The following ZNF385C variants were observed in gnomAD, a reference collection of about 807,000 sequenced individuals.
The protein encoded by ZNF385C is zinc finger protein 385C.
Under a neutral mutation model 35.4 loss-of-function variants are expected in ZNF385C, and 28 were observed. The ratio of observed to expected loss-of-function variants is 0.79; its 90% CI spans 0.59 to 1.08. ZNF385C has a LOEUF of 1.08. Among genes scored for constraint, ZNF385C ranks in the 50% least tolerant of loss-of-function variants. The pLI is 0.00. For synonymous variants in ZNF385C, 248 were observed against 248.2 expected, an observed-to-expected ratio of 1.00 and a Z score of 0.01; for missense variants, 605 against 595.6, an observed-to-expected ratio of 1.02 and a Z score of -0.16.
chr17:42,031,694 G>C lies in ZNF385C; in HGVS notation c.601C>G (p.Gln201Glu). 6.4e-7 allele frequency: 1 copy of C among 1,550,720 alleles called. No individual in the cohort carries two copies. The highest frequency in any genetic ancestry group is 8.7e-7 in the Non-Finnish European group (1 of 1,147,034). The change falls in exon 5 of 9, where the codon CAG becomes GAG. Residue 201 changes from glutamine to glutamate, a missense_variant. Physicochemically the swap from Gln to Glu is conservative, Grantham distance 29. Coordinates refer to ENST00000692273, the MANE Select transcript of ZNF385C (RefSeq NM_001392013.1). ...GACACTACAGCCCCATCCTGGGCCT[G>C]GGTGTGTGGCCTCTGCTTGCTCTTG... ...AAKSKQRPHT[Q>E]AQDGAVVSPI...
intron 1 of ZNF385C, among the ~76,000 whole-genome samples, chr17:42,066,851 G>A (rs567623166): frequency 1.1e-4 from 16 of 152,022 alleles, no homozygotes; most frequent in Non-Finnish European, 1.9e-4. Flanking sequence ...GGTGGATCAC[G>A]AGATCAGGAG....
chr17:42,073,462 T>G (rs1478261522), intron 1 of ZNF385C, among the ~76,000 whole-genome samples: 2 of 150,844 alleles, frequency 1.3e-5, no homozygotes, highest in African/African-American at 4.9e-5. Flanking sequence ...GGACCTTAAG[T>G]AACTGGTCCA....
At chr17:42,073,213 G>T (rs903813381) in intron 1 of ZNF385C, among the ~76,000 whole-genome samples, 2 of 152,112 alleles carry the variant, frequency 1.3e-5, no homozygotes, top group South Asian at 4.1e-4. Context: ...GAGGCAGGCG[G>T]ATCACTTGAG....
chr17:42,039,374 C>CT, intron 2 of ZNF385C: 1 of 265,450 alleles, frequency 3.8e-6, no homozygotes, highest in Non-Finnish European at 7.0e-6. Context: ...AAACTCCCAT[C>CT]TTTGGGGGGA....
At position 42,026,483 on chromosome 17, in the gene ZNF385C, C is replaced by T. The variant is rs1348909821; in HGVS notation, c.*414G>A. 4.4e-6 allele frequency: 1 copy of T among 228,434 alleles called. No individual in the cohort carries two copies. Among genetic ancestry groups the T allele is most frequent in the Admixed American group, 5.2e-5 (1 of 19,180 alleles). 14.2% of individuals were successfully genotyped at this position (228,434 alleles called of 1,614,324 possible). A position where few individuals can be genotyped will look rare whatever the true frequency, so the allele number is the denominator to read the frequency against. On this transcript the variant is annotated 3_prime_UTR_variant, in exon 9 of 9. Transcript: ENST00000692273. ...AGCCTGCTGCAGCTAGAGACCCCAT[C>T]CCTATCTCCAGTGAAGCCCCAAAGC...
intron 1 of ZNF385C, among the ~76,000 whole-genome samples, chr17:42,083,758 G>A (rs1348064731): frequency 1.3e-4 from 13 of 103,122 alleles, no homozygotes; most frequent in Admixed American, 6.2e-4. Context: ...TCACTCTGTC[G>A]CCCAGGCTGG....
chr17:42,040,196 C>T, intron 2 of ZNF385C: 1 of 1,231,578 alleles, frequency 8.1e-7, no homozygotes, highest in Middle Eastern at 3.1e-4. Flanking sequence ...GCGGCCACGG[C>T]GTCCAGCGAA....
intron 1 of ZNF385C, among the ~76,000 whole-genome samples, chr17:42,065,974 G>A (rs1399290621): frequency 1.3e-5 from 2 of 152,030 alleles, no homozygotes; most frequent in Non-Finnish European, 2.9e-5. Context: ...TACACACATT[G>A]TGGGGATTAG....
chr17:42,060,703 C>T (rs2053447024), intron 2 of ZNF385C, among the ~76,000 whole-genome samples: 1 of 152,094 alleles, frequency 6.6e-6, no homozygotes, highest in Non-Finnish European at 1.5e-5. Context: ...CCTCTCCCTC[C>T]TCTGACTTCT....
intron 3 of ZNF385C, 136 bp downstream of exon 3, chr17:42,037,601 C>T: frequency 1.8e-6 from 2 of 1,097,880 alleles, no homozygotes; most frequent in Non-Finnish European, 1.3e-6. Context: ...TTGGGGAGCA[C>T]CTATCCCCTC....
intron 2 of ZNF385C, chr17:42,038,225 G>A: frequency 1.6e-6 from 1 of 608,128 alleles, no homozygotes; most frequent in South Asian, 2.2e-5. Context: ...CCACCATGGA[G>A]ACTGCATGAT....
chr17:42,088,870 G>A (rs1284864295), intron 1 of ZNF385C, among the ~76,000 whole-genome samples: 2 of 152,058 alleles, frequency 1.3e-5, no homozygotes, highest in African/African-American at 4.8e-5. Flanking sequence ...CCGTCACCCA[G>A]GCTGGAGTGC....
At chr17:42,065,702 A>C (rs555557629) in intron 1 of ZNF385C, among the ~76,000 whole-genome samples, 4 of 152,182 alleles carry the variant, frequency 2.6e-5, no homozygotes, top group Admixed American at 6.5e-5. Context: ...TGTATGTTTA[A>C]AATTTCAATA....
intron 1 of ZNF385C, among the ~76,000 whole-genome samples, chr17:42,075,188 C>T (rs1197042345): frequency 4.6e-5 from 7 of 152,164 alleles, no homozygotes; most frequent in Admixed American, 4.6e-4. Context: ...GACATGGTCA[C>T]CTCCTCCAGG....
In ZNF385C at chr17:42,028,785, G is replaced by C. The variant is rs781981860; in HGVS notation, c.965C>G (p.Thr322Arg). The C allele has an allele frequency of 6.5e-7, 1 of 1,549,494 alleles. No homozygotes were observed. The highest frequency in any genetic ancestry group is 2.0e-5 in the Admixed American group (1 of 50,968). Residue 322 changes from threonine (T) to arginine (R), a missense_variant and splice_region_variant, in exon 6 of 9, where the codon ACA (threonine) becomes AGA (arginine). Transcript: ENST00000692273. The stretch of plus-strand genomic sequence containing the variant: ...CTCCAGCTCCTGGGACTACTGACCT[G>C]TGTTGTGAGCCTGAAGCTGGGAGGC... ...NSASQLQAHN[T>R]GAKHRWMMEG...
intron 2 of ZNF385C, among the ~76,000 whole-genome samples, chr17:42,044,630 A>G (rs1207101087): frequency 6.6e-6 from 1 of 151,834 alleles, no homozygotes. Flanking sequence ...AAAAAAAAAA[A>G]GAAAGAAAAG....
chr17:42,027,440 C>T (rs2052612301), intron 8 of ZNF385C, among the ~76,000 whole-genome samples, 178 bp downstream of exon 8: 1 of 152,030 alleles, frequency 6.6e-6, no homozygotes, highest in African/African-American at 2.4e-5. Flanking sequence ...CCCAACCCAC[C>T]TCCCCGGAAA....
intron 8 of ZNF385C, 46 bp downstream of exon 8, chr17:42,027,572 C>CAA: frequency 9.5e-7 from 1 of 1,048,364 alleles, no homozygotes; most frequent in Non-Finnish European, 1.4e-6. Context: ...AGCCCACCCT[C>CAA]TCCCCTCCTG....
chr17:42,031,598 AGAG>A lies in ZNF385C; in HGVS notation c.676+18_676+20del, dbSNP rs1438913023. The A allele has an allele frequency of 1.8e-5, 27 of 1,527,354 alleles. No individual in the cohort carries two copies. In the African/African-American group the frequency reaches 3.2e-4, roughly 18 times the overall value. 94.6% of individuals were successfully genotyped at this position (1,527,354 alleles called of 1,614,324 possible). On this transcript the variant is annotated intron_variant, in intron 5 of 8. Coordinates refer to ENST00000692273, the MANE Select transcript of ZNF385C (RefSeq NM_001392013.1). ...CAGATTTGGAGTGGAGACGTGGGAA[AGAG>A]AAGAGCTCAGGACTGACCTTTACTC...
Sources: allele counts gnomAD v4.1 joint callset (sites outside exome capture counted in the v4.1 genomes callset), GRCh38; gene constraint gnomAD v4.1.1; transcripts MANE v1.5; gene names NCBI Gene and HGNC (gene_info 2026-07-23, HGNC 2026-07-21).